RHBDL3: variants seen among roughly 807,000 people sequenced by gnomAD.
RHBDL3 encodes rhomboid like 3.
In RHBDL3, 28 loss-of-function variants were observed where a neutral mutation model predicts 48.2. The observed-to-expected ratio is 0.58, with a 90% CI of 0.43 to 0.80. RHBDL3 has a LOEUF of 0.80. Among genes scored for constraint, RHBDL3 ranks in the 30% least tolerant of loss-of-function variants. The probability of loss-of-function intolerance (pLI) is 0.00; values close to 1 mark genes in which losing one functional copy is unlikely to be tolerated. For synonymous variants in RHBDL3, 208 were observed against 232.3 expected (o/e 0.90, Z 0.95); for missense variants, 464 against 542.7 (o/e 0.85, Z 1.44).
Position 32,316,304 on chromosome 17 carries a change from TG to T in RHBDL3, c.943+16del. The T allele has an allele frequency of 6.2e-7, 1 of 1,606,848 alleles. No individual in the cohort carries two copies. The highest frequency in any genetic ancestry group is 8.5e-7 in the Non-Finnish European group (1 of 1,173,710). ...GGCCCTTATCTGTAGTAAGTACTGA[TG>T]GGGCGCTGGGGAACCAAAGCCTGGC... On this transcript the variant is annotated intron_variant, in intron 8 of 8. Transcript: ENST00000269051.
In RHBDL3 at chr17:32,298,093, A is replaced by G; in HGVS notation, c.670A>G (p.Ile224Val). 1 of 1,606,378 alleles carries G rather than the reference A, an allele frequency of 6.2e-7. No homozygotes were observed. Among genetic ancestry groups the G allele is most frequent in the Non-Finnish European group, 8.5e-7 (1 of 1,173,126 alleles). ...GTGAGTGTGGTCTCTCTGTCACAGG[A>G]TAGAACACCTGGGACTCAATGTGGT... ...YLTYIFMHAG[I>V]EHLGLNVVLQ... The change falls in exon 6 of 9, where the codon ATA (isoleucine) becomes GTA (valine). Residue 224 changes from isoleucine to valine, a missense_variant and splice_region_variant. Transcript: ENST00000269051.
At chr17:32,277,425 C>T (rs62064183) in intron 2 of RHBDL3, among the ~76,000 whole-genome samples, 19,644 of 152,288 alleles carry the variant, frequency 0.13, 1,531 homozygotes, top group Non-Finnish European at 0.17. Context: ...GGCTCATGGG[C>T]CTGCAGCTGG....
In RHBDL3 at chr17:32,284,679, C is replaced by T; in HGVS notation, c.156C>T (p.Gly52=). 6.2e-7 allele frequency: 1 copy of T among 1,614,162 alleles called. No individual in the cohort carries two copies. The highest frequency in any genetic ancestry group is 8.5e-7 in the Non-Finnish European group (1 of 1,179,988). ...LFDQFDPGNT[G]YISTGKFRSL... is the part of the protein sequence containing the mutation. ...CTCAGTTTGACCCTGGGAACACAGG[C>T]TACATTAGCACAGGCAAGTTCCGGA... is the stretch of plus-strand genomic sequence containing the variant. Residue 52 remains glycine, a synonymous_variant, in exon 3 of 9, where the codon GGC becomes GGT. Transcript: ENST00000269051.
At chr17:32,320,627 T>C (rs932305017) in intron 8 of RHBDL3, among the ~76,000 whole-genome samples, 21 of 152,226 alleles carry the variant, frequency 1.4e-4, no homozygotes, top group African/African-American at 4.8e-4. Context: ...CCCGGCCAAA[T>C]GTCACCTCTT....
intron 8 of RHBDL3, among the ~76,000 whole-genome samples, chr17:32,318,395 GAGAGGCCAAAGCGAGTAGA>G (rs1226644646): frequency 6.0e-5 from 9 of 151,070 alleles, no homozygotes; most frequent in Middle Eastern, 3.4e-3. Context: ...CCAGCACTTT[GAGAGGCCAAAGCGAGTAGA>G]TCACCTGAGG....
At chr17:32,287,627 C>G (rs1004512385) in intron 3 of RHBDL3, among the ~76,000 whole-genome samples, 2 of 152,196 alleles carry the variant, frequency 1.3e-5, no homozygotes, top group South Asian at 2.1e-4. Flanking sequence ...CATCTGCCCT[C>G]TGACAGGGCC....
intron 4 of RHBDL3, among the ~76,000 whole-genome samples, chr17:32,293,794 GAC>G (rs35619868): frequency 0.26 from 39,311 of 151,706 alleles, 5,243 homozygotes; most frequent in African/African-American, 0.32. Context: ...GCGGCCATTT[GAC>G]ACAAAATAAG....
intron 2 of RHBDL3, among the ~76,000 whole-genome samples, chr17:32,271,473 T>A (rs2039773164): frequency 6.6e-6 from 1 of 152,252 alleles, no homozygotes; most frequent in African/African-American, 2.4e-5. Context: ...TTGATAGTCT[T>A]ATTCTCAGTC....
At chr17:32,291,771 CTTTTT>C (rs36113178) in intron 4 of RHBDL3, among the ~76,000 whole-genome samples, 2 of 131,272 alleles carry the variant, frequency 1.5e-5, no homozygotes, top group South Asian at 2.5e-4. Flanking sequence ...TGAGATATTC[CTTTTT>C]TTTTTTTTTT....
At chr17:32,276,361 A>G (rs556003853) in intron 2 of RHBDL3, among the ~76,000 whole-genome samples, 1 of 152,294 alleles carries the variant, frequency 6.6e-6, no homozygotes, top group East Asian at 1.9e-4. Context: ...TTTGCAAGAA[A>G]GCAGAACTGG....
In RHBDL3 at chr17:32,288,866, G is replaced by A. The variant is rs1257540693; in HGVS notation, c.369G>A (p.Leu123=). Reference sequence around the variant, plus strand: ...ACCGCAGGCTAAGCAGCAAGGCCCTGCTGGAGGAGAAGGGGCTGAGCCTCT... The same window carrying A: ...ACCGCAGGCTAAGCAGCAAGGCCCTACTGGAGGAGAAGGGGCTGAGCCTCT... ...QGNRRLSSKA[L]LEEKGLSLSQ... is the part of the protein sequence containing the mutation. The change falls in exon 4 of 9, where the codon CTG becomes CTA. Residue 123 remains leucine (L), a synonymous_variant. Coordinates refer to ENST00000269051, the MANE Select transcript of RHBDL3 (RefSeq NM_138328.3). 4 of 1,614,082 alleles carry A rather than the reference G, an allele frequency of 2.5e-6. No homozygotes were observed. In the African/African-American group the frequency reaches 5.3e-5, roughly 22 times the overall value.
At chr17:32,272,977 C>T (rs985619413) in intron 2 of RHBDL3, among the ~76,000 whole-genome samples, 1 of 152,048 alleles carries the variant, frequency 6.6e-6, no homozygotes, top group Non-Finnish European at 1.5e-5. Flanking sequence ...GGCATCTTGT[C>T]CAGTCTGCTC....
chr17:32,271,383 C>T (rs1227032656), intron 2 of RHBDL3, among the ~76,000 whole-genome samples: 1 of 152,052 alleles, frequency 6.6e-6, no homozygotes, highest in African/African-American at 2.4e-5. Context: ...TATAATTTTG[C>T]ACAGGTAATG....
chr17:32,275,854 G>C (rs2039884479), intron 2 of RHBDL3, among the ~76,000 whole-genome samples: 1 of 152,196 alleles, frequency 6.6e-6, no homozygotes, highest in Admixed American at 6.5e-5. Context: ...AATCGTGGAG[G>C]CTTCTCCAGC....
Position 32,322,745 on chromosome 17 carries a change from T to A in RHBDL3, c.*1516T>A, listed in dbSNP as rs1269251493. ...CCATTACACAGGTGAGAAAACAAGA[T>A]GGAGGGAATGACCCTCCTAACAGGA... On this transcript the variant is annotated 3_prime_UTR_variant, in exon 9 of 9. Transcript: ENST00000269051. The A allele has an allele frequency of 6.6e-6, 1 of 152,224 alleles. No homozygotes were observed. The highest frequency in any genetic ancestry group is 1.5e-5 in the Non-Finnish European group (1 of 68,092). 9.4% of individuals were successfully genotyped at this position (152,224 alleles called of 1,614,324 possible).
chr17:32,285,411 G>A (rs962174728), intron 3 of RHBDL3, among the ~76,000 whole-genome samples: 3 of 152,108 alleles, frequency 2.0e-5, no homozygotes, highest in Admixed American at 2.0e-4. Flanking sequence ...GGGGCCGGGA[G>A]GGTCAGTGCA....
intron 5 of RHBDL3, among the ~76,000 whole-genome samples, chr17:32,295,771 G>C (rs531057801): frequency 3.9e-5 from 6 of 152,320 alleles, no homozygotes; most frequent in African/African-American, 1.4e-4. Context: ...ATGAGACAGT[G>C]GGTGTTAAAG....
intron 7 of RHBDL3, among the ~76,000 whole-genome samples, chr17:32,307,909 A>G (rs922430849): frequency 5.3e-5 from 8 of 151,956 alleles, no homozygotes; most frequent in Admixed American, 5.3e-4. Context: ...ATTCCGCCCA[A>G]GACTTGTATG....
intron 8 of RHBDL3, among the ~76,000 whole-genome samples, chr17:32,316,992 C>A (rs2040991484): frequency 6.6e-6 from 1 of 151,864 alleles, no homozygotes; most frequent in Admixed American, 6.6e-5. Context: ...CTGTCTCAGC[C>A]CCCCAAGTAG....
Sources: allele counts gnomAD v4.1 joint callset (sites outside exome capture counted in the v4.1 genomes callset), GRCh38; gene constraint gnomAD v4.1.1; transcripts MANE v1.5; gene names NCBI Gene and HGNC (gene_info 2026-07-23, HGNC 2026-07-21).